The following CNST variants were observed in gnomAD, a reference collection of about 807,000 sequenced individuals.
CNST encodes the protein consortin, connexin sorting protein, also known as consortin.
CNST carries 39 observed loss-of-function variants against 72.4 expected under a neutral mutation model. That is an observed-to-expected ratio of 0.54 (90% CI 0.42 to 0.70). CNST has a LOEUF of 0.70. CNST is among the 30% of genes least tolerant of loss of function. The pLI is 0.00. For missense variants in CNST, 871 were observed against 868.5 expected (o/e 1.00, Z -0.04); for synonymous variants, 332 against 320.1 (o/e 1.04, Z -0.40).
Position 246,645,678 on chromosome 1 carries a change from C to T in CNST, c.938-1461C>T, listed in dbSNP as rs181981432. Reference sequence around the variant, plus strand: ...TCCTGACCTCGTGATCCATCCGCCTCGGCCTCCCAAAGTGCTGGGATGACA... The same window carrying T: ...TCCTGACCTCGTGATCCATCCGCCTTGGCCTCCCAAAGTGCTGGGATGACA... On this transcript the variant is annotated intron_variant, in intron 8 of 10. Coordinates refer to ENST00000366513, the MANE Select transcript of CNST (RefSeq NM_152609.3). 1.4e-4 allele frequency among the ~76,000 whole-genome samples: 22 copies of T among 152,018 alleles called. No individual in the cohort carries two copies. In the East Asian group the frequency reaches 3.2e-3, roughly 22 times the overall value.
At chr1:246,599,248 T>C (rs1397514051) in intron 2 of CNST, among the ~76,000 whole-genome samples, 1 of 151,734 alleles carries the variant, frequency 6.6e-6, no homozygotes, top group East Asian at 1.9e-4. Context: ...TTATCACAAA[T>C]TTACAAATCT....
At chr1:246,664,508 C>G (rs1047908857) in intron 10 of CNST, among the ~76,000 whole-genome samples, 9 of 151,826 alleles carry the variant, frequency 5.9e-5, no homozygotes, top group South Asian at 2.1e-4. Flanking sequence ...CTCACTGCAA[C>G]CTCCGCCTCC....
intron 2 of CNST, among the ~76,000 whole-genome samples, chr1:246,596,721 TCTTA>T (rs1484755119): frequency 3.3e-5 from 5 of 152,230 alleles, no homozygotes; most frequent in South Asian, 2.1e-4. Context: ...AGCACCCACT[TCTTA>T]CTTCCACTTA....
intron 6 of CNST, among the ~76,000 whole-genome samples, chr1:246,640,890 AC>A (rs1412865283): frequency 1.3e-5 from 2 of 152,146 alleles, no homozygotes; most frequent in Non-Finnish European, 2.9e-5. Context: ...TTTTGCATAG[AC>A]GTATATGTCT....
chr1:246,622,310 G>A lies in CNST; in HGVS notation c.585+676G>A, dbSNP rs539039104. On this transcript the variant is annotated intron_variant, in intron 3 of 10. Coordinates refer to ENST00000366513, the MANE Select transcript of CNST (RefSeq NM_152609.3). The stretch of plus-strand genomic sequence containing the variant: ...AGAGCCCCTGCAGAACAGGAGCAAC[G>A]GTTCTATCGATAAGTAAGTGTGGAA... 8.5e-5 allele frequency among the ~76,000 whole-genome samples: 13 copies of A among 152,280 alleles called. No individual in the cohort carries two copies. The East Asian group carries it at 1.2e-3, about 14-fold the overall frequency.
intron 1 of CNST, among the ~76,000 whole-genome samples, chr1:246,578,721 A>G (rs538343320): frequency 1.3e-4 from 20 of 152,276 alleles, no homozygotes; most frequent in African/African-American, 3.9e-4. Flanking sequence ...CTAAGGCTAA[A>G]TAGTATTATT....
intron 8 of CNST, among the ~76,000 whole-genome samples, chr1:246,645,783 G>C (rs554050439): frequency 1.3e-5 from 2 of 152,084 alleles, no homozygotes; most frequent in Admixed American, 1.3e-4. Flanking sequence ...ATAAAGCGAG[G>C]ATAAGCAAGC....
rs770223504 is a variant in CNST at position 246,667,309 on chromosome 1, G to A, written c.*1404G>A. On this transcript the variant is annotated 3_prime_UTR_variant, in exon 11 of 11. Coordinates refer to ENST00000366513, the MANE Select transcript of CNST (RefSeq NM_152609.3). ...TTATTTAGATTATGTGAATCTTAAAGGGCTTTTTATATCAGTTGAAAGTGT... is the reference window on the plus strand; with the variant it reads ...TTATTTAGATTATGTGAATCTTAAAAGGCTTTTTATATCAGTTGAAAGTGT... 1 of 152,126 alleles carries A rather than the reference G, an allele frequency of 6.6e-6. No individual in the cohort carries two copies. Among genetic ancestry groups the A allele is most frequent in the Non-Finnish European group, 1.5e-5 (1 of 68,020 alleles). 9.4% of individuals were successfully genotyped at this position (152,126 alleles called of 1,614,324 possible).
chr1:246,631,558 G>C (rs1463410081), intron 3 of CNST, among the ~76,000 whole-genome samples: 1 of 151,886 alleles, frequency 6.6e-6, no homozygotes, highest in Non-Finnish European at 1.5e-5. Flanking sequence ...TTTTTCATTT[G>C]TGTTCTATTT....
chr1:246,634,135 T>C (rs1664974402), intron 5 of CNST, 125 bp downstream of exon 5: 2 of 678,020 alleles, frequency 2.9e-6, no homozygotes, highest in African/African-American at 1.8e-5. Flanking sequence ...CAAGTTAATG[T>C]TGCAAAGAAA....
chr1:246,610,786 G>A lies in CNST; in HGVS notation c.380-10643G>A, dbSNP rs182823712. Among the ~76,000 whole-genome samples, 54 of 152,040 alleles carry A rather than the reference G, an allele frequency of 3.6e-4. No homozygotes were observed. In the East Asian group the frequency reaches 8.5e-3, roughly 24 times the overall value. ...GGGTCTTCTCTGGCCCTTTCTAAGCGTGCGTCGTGTCCTGAGCTGTCGCGT... is the reference window on the plus strand; with the variant it reads ...GGGTCTTCTCTGGCCCTTTCTAAGCATGCGTCGTGTCCTGAGCTGTCGCGT... On this transcript the variant is annotated intron_variant, in intron 2 of 10. Transcript: ENST00000366513.
chr1:246,662,525 A>G, intron 10 of CNST, among the ~76,000 whole-genome samples: 1 of 152,080 alleles, frequency 6.6e-6, no homozygotes, highest in East Asian at 1.9e-4. Flanking sequence ...GGTAGCTGGG[A>G]TTACAGGCAT....
rs777077552 is a variant in CNST at position 246,647,379 on chromosome 1, C to G, written c.1178C>G (p.Ala393Gly). ...TCTGGGCCAGACTCTTCTGAGGATG[C>G]TTGTGAGGATGACAGTCGCTTGCAG... Reference protein sequence around the residue: ...SPSGPDSSEDACEDDSRLQLA... With the variant: ...SPSGPDSSEDGCEDDSRLQLA... The change falls in exon 9 of 11, where the codon GCT becomes GGT. Residue 393 changes from alanine (A) to glycine (G), a missense_variant. Coordinates refer to ENST00000366513, the MANE Select transcript of CNST (RefSeq NM_152609.3). 1.9e-6 allele frequency: 3 copies of G among 1,614,032 alleles called. No individual in the cohort carries two copies. Among genetic ancestry groups the G allele is most frequent in the Non-Finnish European group, 2.5e-6 (3 of 1,180,000 alleles).
chr1:246,599,607 C>T (rs1013851479), intron 2 of CNST, among the ~76,000 whole-genome samples: 56 of 152,146 alleles, frequency 3.7e-4, no homozygotes, highest in African/African-American at 1.3e-3. Flanking sequence ...GGATAATCTC[C>T]CTTTTTAAAG....
chr1:246,584,188 C>G (rs1212921043), intron 1 of CNST, among the ~76,000 whole-genome samples: 1 of 152,202 alleles, frequency 6.6e-6, no homozygotes. Flanking sequence ...GCGATCCTCG[C>G]AGAGTGCTGA....
intron 1 of CNST, among the ~76,000 whole-genome samples, chr1:246,573,609 A>G (rs564379120): frequency 5.1e-4 from 77 of 152,272 alleles, no homozygotes; most frequent in Middle Eastern, 3.4e-3. Flanking sequence ...GTGAATGCCA[A>G]CAGAGCTTTA....
chr1:246,647,519 G>GACC lies in CNST; in HGVS notation c.1319_1321dup (p.Asp440_Arg441insHis). On this transcript the variant is annotated inframe_insertion, in exon 9 of 11. Coordinates refer to ENST00000366513, the MANE Select transcript of CNST (RefSeq NM_152609.3). Reference sequence around the variant, plus strand: ...AGAGCCGTTGATTTCACCAGGCTGTGACCGTATACCTCCTGCATTGATTTC... The same window carrying GACC: ...AGAGCCGTTGATTTCACCAGGCTGTGACCACCGTATACCTCCTGCATTGATTTC... 6.2e-7 allele frequency: 1 copy of GACC among 1,614,162 alleles called. No homozygotes were observed. The highest frequency in any genetic ancestry group is 8.5e-7 in the Non-Finnish European group (1 of 1,180,040).
intron 8 of CNST, 136 bp downstream of exon 8, chr1:246,642,173 A>G (rs868164006): frequency 1.3e-5 from 6 of 479,014 alleles, no homozygotes; most frequent in Middle Eastern, 5.6e-4. Context: ...ATTTTTGTAC[A>G]TATACCTCTC....
chr1:246,648,145 G>T (rs1452903699), intron 9 of CNST, 108 bp downstream of exon 9: 1 of 1,458,808 alleles, frequency 6.9e-7, no homozygotes, highest in South Asian at 1.5e-5. Context: ...TCAAACATGA[G>T]GGAAAATTCT....
Sources: allele counts gnomAD v4.1 joint callset (sites outside exome capture counted in the v4.1 genomes callset), GRCh38; gene constraint gnomAD v4.1.1; transcripts MANE v1.5; gene names NCBI Gene and HGNC (gene_info 2026-07-23, HGNC 2026-07-21).